Variants in NF1 observed in about 807,000 individuals in gnomAD.
NF1 encodes the protein neurofibromin.
NF1 carries 122 observed loss-of-function variants against 325.7 expected under a neutral mutation model. The ratio of observed to expected loss-of-function variants is 0.37; its 90% CI spans 0.32 to 0.44. The LOEUF (loss-of-function observed/expected upper bound fraction) is 0.44. Among genes scored for constraint, NF1 ranks in the 20% least tolerant of loss-of-function variants. The pLI is 1.00. For synonymous variants in NF1, 1,091 were observed against 1,186.0 expected (o/e 0.92, Z 1.65); for missense variants, 2,140 against 3,415.4 (o/e 0.63, Z 9.31).
chr17:31,183,212 G>T, intron 8 of NF1: 1 of 207,572 alleles, frequency 4.8e-6, no homozygotes, highest in East Asian at 1.0e-4. Flanking sequence ...TATCACCTAG[G>T]TGATTGAAAA....
chr17:31,259,535 A>G (rs564712223), intron 33 of NF1, among the ~76,000 whole-genome samples: 6 of 152,276 alleles, frequency 3.9e-5, no homozygotes, highest in African/African-American at 1.4e-4. Flanking sequence ...TTGGAAGTGT[A>G]TCTAAACTAA....
At position 31,340,489 on chromosome 17, in the gene NF1, A is replaced by T. The variant is rs202158964; in HGVS notation, c.6922-16A>T. On this transcript the variant is annotated splice_polypyrimidine_tract_variant and intron_variant, in intron 46 of 57. Transcript: ENST00000358273. The stretch of plus-strand genomic sequence containing the variant: ...ATGATTCATCTTACTAGCCTCAAAC[A>T]TATCTTCTTTGCCAGGACTCGCCTC... 1 of 1,612,850 alleles carries T rather than the reference A, an allele frequency of 6.2e-7. No individual in the cohort carries two copies. Among genetic ancestry groups the T allele is most frequent in the East Asian group, 2.2e-5 (1 of 44,884 alleles).
In NF1 at chr17:31,095,210, C is replaced by T. The variant is rs762149488; in HGVS notation, c.-100C>T. The T allele has an allele frequency of 1.3e-5, 15 of 1,146,606 alleles. No individual in the cohort carries two copies. Among genetic ancestry groups the T allele is most frequent in the Non-Finnish European group, 1.8e-5 (14 of 793,494 alleles). The allele number at this position is 1,146,606 out of a possible 1,614,324, so 71.0% of individuals were successfully genotyped here. ...GAGCCTGCACTCCACAGACCCTCTC[C>T]TTGCCTCTTCCCTCACCTCAGCCTC... On this transcript the variant is annotated 5_prime_UTR_variant, in exon 1 of 58. Coordinates refer to ENST00000358273, the MANE Select transcript of NF1 (RefSeq NM_001042492.3).
At chr17:31,265,364 T>A (rs2151470452) in intron 36 of NF1, 25 bp downstream of exon 36, 1 of 1,545,236 alleles carries the variant, frequency 6.5e-7, no homozygotes, top group Non-Finnish European at 8.9e-7. Flanking sequence ...GTTTTGGGTC[T>A]CTTAACAGAA....
intron 8 of NF1, among the ~76,000 whole-genome samples, chr17:31,192,608 T>G (rs1373819781): frequency 1.3e-5 from 2 of 152,152 alleles, no homozygotes; most frequent in African/African-American, 2.4e-5. Flanking sequence ...AGTGCCTGGC[T>G]CTTAGTCGAT....
At chr17:31,163,795 A>T (rs1213905890) in intron 4 of NF1, among the ~76,000 whole-genome samples, 1 of 152,184 alleles carries the variant, frequency 6.6e-6, no homozygotes, top group Non-Finnish European at 1.5e-5. Context: ...GAAACTACCC[A>T]ATTAGATGGA....
intron 1 of NF1, among the ~76,000 whole-genome samples, chr17:31,104,726 G>T (rs1912691560): frequency 6.6e-6 from 1 of 152,160 alleles, no homozygotes; most frequent in Admixed American, 6.5e-5. Context: ...CTATGTGGTA[G>T]AGCCTTCAGT....
At chr17:31,239,855 C>T (rs1277313493) in intron 29 of NF1, among the ~76,000 whole-genome samples, 2 of 152,136 alleles carry the variant, frequency 1.3e-5, no homozygotes, top group African/African-American at 2.4e-5. Flanking sequence ...CTCCGCCTCC[C>T]ATGTTCAAGC....
intron 31 of NF1, among the ~76,000 whole-genome samples, chr17:31,257,027 A>G (rs2067594596): frequency 6.6e-6 from 1 of 152,176 alleles, no homozygotes; most frequent in South Asian, 2.1e-4. Context: ...TGTGGACTGC[A>G]TGAAGCACTA....
chr17:31,306,245 C>T (rs1256127973), intron 36 of NF1, among the ~76,000 whole-genome samples: 1 of 152,132 alleles, frequency 6.6e-6, no homozygotes, highest in Non-Finnish European at 1.5e-5. Context: ...ATTCTGTCCT[C>T]ACCCTTACCT....
Position 31,374,006 on chromosome 17 carries a change from T to A in NF1, c.8378-7T>A. The A allele has an allele frequency of 6.2e-7, 1 of 1,613,948 alleles. No individual in the cohort carries two copies. The highest frequency in any genetic ancestry group is 1.1e-5 in the South Asian group (1 of 91,084). The stretch of plus-strand genomic sequence containing the variant: ...AAGAAGTAACTGGCTGTTCTCTTTT[T>A]CTCCAGGAATCGACAAGGAGAACGT... On this transcript the variant is annotated splice_region_variant and splice_polypyrimidine_tract_variant and intron_variant, in intron 57 of 57. Transcript: ENST00000358273.
intron 48 of NF1, chr17:31,345,813 G>C (rs1326173029): frequency 6.2e-7 from 1 of 1,614,034 alleles, no homozygotes; most frequent in African/African-American, 1.3e-5. Context: ...ACAAGCCGAA[G>C]CCCTGGACAA....
intron 5 of NF1, among the ~76,000 whole-genome samples, chr17:31,180,899 C>G (rs539202022): frequency 3.3e-5 from 5 of 152,174 alleles, no homozygotes; most frequent in Non-Finnish European, 7.4e-5. Flanking sequence ...TCAGCAAAGT[C>G]TCAGGATACA....
chr17:31,182,543 T>G lies in NF1; in HGVS notation c.766T>G (p.Phe256Val), dbSNP rs188236947. The change falls in exon 8 of 58, where the codon TTT (phenylalanine) becomes GTT (valine). Residue 256 changes from phenylalanine to valine, a missense_variant. Phe to Val is a conservative substitution (Grantham distance 50). Coordinates refer to ENST00000358273, the MANE Select transcript of NF1 (RefSeq NM_001042492.3). ...AAAGCTATTTGACTTGGTGGATGGT[T>G]TTGCTGAAAGCACCAAACGTAAAGC... The part of the protein sequence containing the change: ...AEKLFDLVDG[F>V]AESTKRKAAV... 1 of 1,614,124 alleles carries G rather than the reference T, an allele frequency of 6.2e-7. No homozygotes were observed. The highest frequency in any genetic ancestry group is 1.3e-5 in the African/African-American group (1 of 75,066).
chr17:31,351,647 C>G (rs2070147610), intron 50 of NF1, among the ~76,000 whole-genome samples: 1 of 152,170 alleles, frequency 6.6e-6, no homozygotes, highest in African/African-American at 2.4e-5. Context: ...AACTCCTGAC[C>G]TCAGGTGATC....
At chr17:31,309,057 G>T (rs147556135) in intron 36 of NF1, among the ~76,000 whole-genome samples, 1 of 152,032 alleles carries the variant, frequency 6.6e-6, no homozygotes, top group Admixed American at 6.6e-5. Flanking sequence ...GAAGGTAAAG[G>T]GATCCCTTAT....
chr17:31,175,830 T>C (rs1296114744), intron 5 of NF1, among the ~76,000 whole-genome samples: 1 of 152,218 alleles, frequency 6.6e-6, no homozygotes, highest in East Asian at 1.9e-4. Flanking sequence ...GCTTCATCCA[T>C]GTCCCTGCAA....
rs549513800 is a variant in NF1 at position 31,166,462 on chromosome 17, T to G, written c.479+3086T>G. 6.6e-5 allele frequency among the ~76,000 whole-genome samples: 10 copies of G among 152,308 alleles called. No individual in the cohort carries two copies. The East Asian group carries it at 1.9e-3, about 29-fold the overall frequency. On this transcript the variant is annotated intron_variant, in intron 4 of 57. Coordinates refer to ENST00000358273, the MANE Select transcript of NF1 (RefSeq NM_001042492.3). The stretch of plus-strand genomic sequence containing the variant: ...TTTTCTTTGAGAATCCTTGTAGCCT[T>G]GGGCTGAGGGAGTGTTCTAGTGATG...
intron 30 of NF1, chr17:31,251,131 A>C (rs1369135278): frequency 5.0e-6 from 1 of 198,220 alleles, no homozygotes; most frequent in Non-Finnish European, 1.0e-5. Flanking sequence ...TGCTTCCCAA[A>C]CCTAGTTTAT....
Sources: gnomAD v4.1 joint callset for allele counts (sites outside exome capture counted in the v4.1 genomes callset) on GRCh38, gnomAD v4.1.1 for gene constraint, MANE v1.5 for transcripts, NCBI Gene and HGNC (gene_info 2026-07-23, HGNC 2026-07-21) for gene names.